Variants in ASXL3 observed in about 807,000 individuals in gnomAD.
ASXL3 encodes ASXL transcriptional regulator 3.
ASXL3 carries 34 observed loss-of-function variants against 170.6 expected under a neutral mutation model. The observed-to-expected ratio is 0.20, with a 90% confidence interval of 0.15 to 0.27. ASXL3 has a LOEUF of 0.27. Ranked by LOEUF, ASXL3 falls within the 10% of genes least tolerant of loss-of-function variation. The pLI, the probability that ASXL3 is intolerant of heterozygous loss-of-function variation, is 1.00. For missense variants in ASXL3, 2,592 were observed against 2,695.3 expected, an observed-to-expected ratio of 0.96 and a Z score of 0.85; for synonymous variants, 1,002 against 989.1, an observed-to-expected ratio of 1.01 and a Z score of -0.24.
intron 2 of ASXL3, among the ~76,000 whole-genome samples, chr18:33,643,575 G>A (rs562920550): frequency 3.6e-4 from 54 of 152,008 alleles, no homozygotes; most frequent in African/African-American, 1.3e-3. Flanking sequence ...TTTGTAGGAT[G>A]ATAATACTTA....
intron 1 of ASXL3, among the ~76,000 whole-genome samples, chr18:33,593,571 T>C (rs1452745764): frequency 6.6e-6 from 1 of 152,150 alleles, no homozygotes; most frequent in Admixed American, 6.5e-5. Flanking sequence ...GTTGACCACA[T>C]GCATCTTAAA....
At chr18:33,588,773 T>C (rs2065054343) in intron 1 of ASXL3, among the ~76,000 whole-genome samples, 1 of 152,122 alleles carries the variant, frequency 6.6e-6, no homozygotes, top group African/African-American at 2.4e-5. Context: ...TGCATTTTCA[T>C]AGCAACAATG....
intron 1 of ASXL3, among the ~76,000 whole-genome samples, chr18:33,588,007 AAT>A (rs1357961197): frequency 6.6e-6 from 1 of 151,848 alleles, no homozygotes; most frequent in Non-Finnish European, 1.5e-5. Context: ...GTACAGTTTT[AAT>A]AGTCTGTCTT....
At position 33,740,242 on chromosome 18, in the gene ASXL3, C is replaced by T. The variant is rs1232714268; in HGVS notation, c.2838C>T (p.Ser946=). The T allele has an allele frequency of 1.2e-6, 2 of 1,613,476 alleles. No individual in the cohort carries two copies. Among genetic ancestry groups the T allele is most frequent in the African/African-American group, 1.3e-5 (1 of 74,866 alleles). ...TSHTSKSSEP[S]KSPDGIRNES... ...ATACTTCCAAGTCATCAGAGCCCTC[C>T]AAGTCACCTGATGGGATAAGAAATG... The change falls in exon 11 of 12, where the codon TCC becomes TCT. Residue 946 remains serine, a synonymous_variant. Transcript: ENST00000269197.
chr18:33,588,331 C>T (rs548783884), intron 1 of ASXL3, among the ~76,000 whole-genome samples: 2 of 151,148 alleles, frequency 1.3e-5, no homozygotes, highest in East Asian at 1.9e-4. Flanking sequence ...GAACACAACT[C>T]CTCCTAATTT....
Position 33,744,804 on chromosome 18 carries a change from G to T in ASXL3, c.4956G>T (p.Val1652=). 6.2e-7 allele frequency: 1 copy of T among 1,614,042 alleles called. No homozygotes were observed. The highest frequency in any genetic ancestry group is 1.1e-5 in the South Asian group (1 of 91,084). ...IKTEHANYLN[V]SELHPRNLVT... ...CTGAACATGCCAACTACTTGAACGTGTCAGAACTTCATCCCAGGAATCTTG... is the reference window on the plus strand; with the variant it reads ...CTGAACATGCCAACTACTTGAACGTTTCAGAACTTCATCCCAGGAATCTTG... Residue 1652 remains valine, a synonymous_variant, in exon 12 of 12, where the codon GTG becomes GTT. Coordinates refer to ENST00000269197, the MANE Select transcript of ASXL3 (RefSeq NM_030632.3).
intron 10 of ASXL3, 40 bp downstream of exon 10, chr18:33,734,455 A>G (rs1421277413): frequency 7.4e-7 from 1 of 1,344,580 alleles, no homozygotes. Context: ...TCTGAGAAAG[A>G]AATGAAAATG....
At chr18:33,675,352 T>C (rs1336503438) in intron 7 of ASXL3, among the ~76,000 whole-genome samples, 1 of 152,118 alleles carries the variant, frequency 6.6e-6, no homozygotes, top group Non-Finnish European at 1.5e-5. Context: ...GTATTCCCTC[T>C]TCTATTTTTT....
chr18:33,706,399 A>G (rs978103733), intron 8 of ASXL3, among the ~76,000 whole-genome samples: 18 of 151,806 alleles, frequency 1.2e-4, no homozygotes, highest in African/African-American at 4.3e-4. Context: ...TAGAGTATGC[A>G]TAGATTCAGC....
intron 7 of ASXL3, among the ~76,000 whole-genome samples, chr18:33,680,219 C>T (rs1228068794): frequency 6.6e-6 from 1 of 151,908 alleles, no homozygotes; most frequent in African/African-American, 2.4e-5. Flanking sequence ...GTGTAAAGCA[C>T]ATGCAAGTGT....
chr18:33,643,652 A>G (rs2065877553), intron 2 of ASXL3, among the ~76,000 whole-genome samples: 1 of 151,910 alleles, frequency 6.6e-6, no homozygotes, highest in Non-Finnish European at 1.5e-5. Flanking sequence ...GCAATTCAGC[A>G]TATTTGACTT....
At chr18:33,713,231 T>TTTTG (rs2067100993) in intron 8 of ASXL3, among the ~76,000 whole-genome samples, 1 of 72,916 alleles carries the variant, frequency 1.4e-5, no homozygotes, top group Non-Finnish European at 2.4e-5. Flanking sequence ...ACAAGAAGGT[T>TTTTG]TTTTTTGTTT....
chr18:33,697,757 A>G (rs1473507394), intron 8 of ASXL3, among the ~76,000 whole-genome samples: 1 of 152,010 alleles, frequency 6.6e-6, no homozygotes, highest in Non-Finnish European at 1.5e-5. Flanking sequence ...TAATCCTAGC[A>G]CTTTGAGAGG....
intron 8 of ASXL3, among the ~76,000 whole-genome samples, chr18:33,691,730 A>C (rs2066689365): frequency 6.6e-6 from 1 of 152,188 alleles, no homozygotes; most frequent in Admixed American, 6.5e-5. Flanking sequence ...TAGAGGAGAT[A>C]ATTACATTGT....
intron 8 of ASXL3, among the ~76,000 whole-genome samples, chr18:33,705,919 C>G (rs1272392883): frequency 6.6e-6 from 1 of 151,810 alleles, no homozygotes; most frequent in African/African-American, 2.4e-5. Context: ...AATACCCACA[C>G]AAAAGAACCT....
intron 8 of ASXL3, among the ~76,000 whole-genome samples, chr18:33,698,103 T>G (rs893011225): frequency 1.3e-5 from 2 of 152,124 alleles, no homozygotes; most frequent in Non-Finnish European, 2.9e-5. Flanking sequence ...CAAGCTGATG[T>G]TATCAAGAGA....
intron 8 of ASXL3, 36 bp from the exon 9 acceptor site, chr18:33,731,932 T>C: frequency 6.3e-7 from 1 of 1,576,116 alleles, no homozygotes; most frequent in Non-Finnish European, 8.7e-7. Flanking sequence ...GACTTATTCC[T>C]GATGGAACCT....
At chr18:33,677,924 C>CT (rs1449908175) in intron 7 of ASXL3, among the ~76,000 whole-genome samples, 3 of 152,190 alleles carry the variant, frequency 2.0e-5, no homozygotes, top group African/African-American at 7.2e-5. Context: ...TAGTCTCACT[C>CT]TTTTGTGTAA....
chr18:33,624,831 T>G (rs2065575407), intron 2 of ASXL3, among the ~76,000 whole-genome samples: 1 of 152,188 alleles, frequency 6.6e-6, no homozygotes, highest in African/African-American at 2.4e-5. Flanking sequence ...ATTTGTGCGC[T>G]TCTGTCTTTG....
Sources: gnomAD v4.1 joint callset for allele counts (sites outside exome capture counted in the v4.1 genomes callset) on GRCh38, gnomAD v4.1.1 for gene constraint, MANE v1.5 for transcripts, NCBI Gene and HGNC (gene_info 2026-07-23, HGNC 2026-07-21) for gene names.